DPYD: variants seen among roughly 807,000 people sequenced by gnomAD.
The protein encoded by DPYD is dihydropyrimidine dehydrogenase [NADP(+)].
DPYD carries 109 observed loss-of-function variants against 116.2 expected under a neutral mutation model. That is an observed-to-expected ratio of 0.94 (90% CI 0.80 to 1.10). The LOEUF is 1.10. Among genes scored for constraint, DPYD ranks in the 50% least tolerant of loss-of-function variants. The probability of loss-of-function intolerance (pLI) is 0.00; values close to 1 mark genes in which losing one functional copy is unlikely to be tolerated. For missense variants in DPYD, 1,302 were observed against 1,254.5 expected (o/e 1.04, Z -0.57); for synonymous variants, 440 against 432.0 (o/e 1.02, Z -0.23).
At chr1:97,493,338 C>T (rs932044351) in intron 13 of DPYD, among the ~76,000 whole-genome samples, 8 of 152,160 alleles carry the variant, frequency 5.3e-5, no homozygotes, top group Non-Finnish European at 7.3e-5. Context: ...TGTACTAAAA[C>T]ACAAGCCATG....
chr1:97,208,347 T>G (rs897804467), intron 19 of DPYD, among the ~76,000 whole-genome samples: 2 of 151,106 alleles, frequency 1.3e-5, no homozygotes, highest in African/African-American at 4.9e-5. Flanking sequence ...TGCAGTGGCA[T>G]GATCATAGCT....
intron 14 of DPYD, among the ~76,000 whole-genome samples, chr1:97,399,790 A>G (rs1386804404): frequency 6.6e-6 from 1 of 152,042 alleles, no homozygotes; most frequent in African/African-American, 2.4e-5. Flanking sequence ...ATTTTTGTAC[A>G]TTGATTTTGT....
At chr1:97,633,205 T>C (rs148150631) in intron 8 of DPYD, among the ~76,000 whole-genome samples, 3 of 152,250 alleles carry the variant, frequency 2.0e-5, no homozygotes, top group Non-Finnish European at 4.4e-5. Flanking sequence ...CAATAAGTTA[T>C]ATTCAATAAG....
chr1:97,460,760 C>T (rs1394936815), intron 13 of DPYD, among the ~76,000 whole-genome samples: 1 of 152,108 alleles, frequency 6.6e-6, no homozygotes, highest in Non-Finnish European at 1.5e-5. Context: ...GAGACACGGC[C>T]AGGCACGGTG....
intron 20 of DPYD, among the ~76,000 whole-genome samples, chr1:97,107,146 T>G (rs999982518): frequency 1.3e-5 from 2 of 152,132 alleles, no homozygotes; most frequent in African/African-American, 4.8e-5. Context: ...TTGAAACTCC[T>G]GCATGCTGTC....
intron 18 of DPYD, among the ~76,000 whole-genome samples, chr1:97,273,725 G>C (rs947240163): frequency 3.3e-5 from 5 of 152,088 alleles, no homozygotes; most frequent in Non-Finnish European, 5.9e-5. Flanking sequence ...TCTCAATCCT[G>C]TTCTCTTTCT....
At chr1:97,545,383 C>T (rs192372683) in intron 12 of DPYD, among the ~76,000 whole-genome samples, 187 of 152,072 alleles carry the variant, frequency 1.2e-3, no homozygotes, top group Middle Eastern at 3.4e-3. Flanking sequence ...TATTGATTTC[C>T]AAATCAATGT....
intron 20 of DPYD, among the ~76,000 whole-genome samples, chr1:97,133,072 A>T (rs1653457175): frequency 6.6e-6 from 1 of 151,972 alleles, no homozygotes; most frequent in African/African-American, 2.4e-5. Flanking sequence ...AACATTTTCT[A>T]GGTTCTTTTT....
intron 20 of DPYD, among the ~76,000 whole-genome samples, chr1:97,173,411 CGTACAT>C (rs1656996241): frequency 1.3e-5 from 2 of 148,218 alleles, no homozygotes; most frequent in South Asian, 4.3e-4. Flanking sequence ...TATATACGTA[CGTACAT>C]ATATGTGTGT....
chr1:97,354,128 C>T (rs1670291274), intron 16 of DPYD, among the ~76,000 whole-genome samples: 1 of 152,196 alleles, frequency 6.6e-6, no homozygotes, highest in African/African-American at 2.4e-5. Context: ...AAAAGCACGG[C>T]AGGTGTCAGG....
intron 1 of DPYD, among the ~76,000 whole-genome samples, chr1:97,916,768 TG>T (rs1404808848): frequency 6.6e-5 from 10 of 152,236 alleles, no homozygotes; most frequent in Admixed American, 6.5e-4. Flanking sequence ...ACAACTTTGG[TG>T]GGCCAAGCTG....
intron 5 of DPYD, among the ~76,000 whole-genome samples, chr1:97,714,653 G>GAAAAA (rs1662502855): frequency 3.8e-5 from 1 of 26,258 alleles, no homozygotes; most frequent in Non-Finnish European, 8.2e-5. Flanking sequence ...AAAAAGAAAA[G>GAAAAA]ACAAAAAAAA....
At chr1:97,757,852 A>C (rs137996498) in intron 3 of DPYD, among the ~76,000 whole-genome samples, 36 of 152,322 alleles carry the variant, frequency 2.4e-4, no homozygotes, top group Non-Finnish European at 4.3e-4. Flanking sequence ...GGGGATGTAG[A>C]TGGTACAATC....
chr1:97,427,670 TAAAGCTTTCTTGCCCAATGAAGC>T (rs1557704603), intron 14 of DPYD, among the ~76,000 whole-genome samples: 1 of 150,698 alleles, frequency 6.6e-6, no homozygotes, highest in Non-Finnish European at 1.5e-5. Flanking sequence ...CAGAACAAGA[TAAAGCTTTCTTGCCCAATGAAGC>T]AAGAAAAAAA....
At chr1:97,604,766 G>A (rs533058000) in intron 8 of DPYD, among the ~76,000 whole-genome samples, 17 of 152,114 alleles carry the variant, frequency 1.1e-4, no homozygotes, top group South Asian at 4.2e-4. Flanking sequence ...TGATGGATGC[G>A]CTTGGTCAAC....
intron 12 of DPYD, among the ~76,000 whole-genome samples, chr1:97,523,044 C>G (rs1204357625): frequency 1.3e-5 from 2 of 152,144 alleles, no homozygotes; most frequent in Non-Finnish European, 2.9e-5. Flanking sequence ...TCCCTCCCTC[C>G]CTTCCCATTG....
chr1:97,109,827 A>G (rs570990676), intron 20 of DPYD, among the ~76,000 whole-genome samples: 1 of 151,102 alleles, frequency 6.6e-6, no homozygotes, highest in Non-Finnish European at 1.5e-5. Context: ...TATTGGAAAG[A>G]AAATAAAAGG....
intron 19 of DPYD, among the ~76,000 whole-genome samples, chr1:97,217,334 T>C (rs1660477948): frequency 6.6e-6 from 1 of 152,248 alleles, no homozygotes; most frequent in Admixed American, 6.5e-5. Context: ...CAGAGGTCAT[T>C]CATCCTAAAT....
At chr1:97,676,135 T>C (rs1660132001) in intron 8 of DPYD, among the ~76,000 whole-genome samples, 1 of 152,180 alleles carries the variant, frequency 6.6e-6, no homozygotes, top group Non-Finnish European at 1.5e-5. Flanking sequence ...AGTACTTTAC[T>C]GATCTCCTGT....
Sources: allele counts gnomAD v4.1 joint callset (sites outside exome capture counted in the v4.1 genomes callset), GRCh38; gene constraint gnomAD v4.1.1; transcripts MANE v1.5; gene names NCBI Gene and HGNC (gene_info 2026-07-23, HGNC 2026-07-21).